Variants in NRG3 observed in about 807,000 individuals in gnomAD.
NRG3 encodes the protein neuregulin 3, also known as pro-neuregulin-3, membrane-bound isoform.
A neutral mutation model predicts 66.9 loss-of-function variants in NRG3; 31 were observed. The ratio of observed to expected loss-of-function variants is 0.46; its 90% CI spans 0.35 to 0.63. The LOEUF (loss-of-function observed/expected upper bound fraction) is 0.63, where lower values mean the gene tolerates loss of function less well. Among genes scored for constraint, NRG3 ranks in the 20% least tolerant of loss-of-function variants. The pLI is 0.00. For synonymous variants in NRG3, 393 were observed against 359.4 expected (o/e 1.09, Z -1.06); for missense variants, 910 against 878.9 (o/e 1.04, Z -0.45).
chr10:82,257,079 T>C (rs1589492218), intron 1 of NRG3, among the ~76,000 whole-genome samples: 1 of 152,324 alleles, frequency 6.6e-6, no homozygotes, highest in East Asian at 1.9e-4. Context: ...GTGGACCTGA[T>C]TGCAAGATAG....
At chr10:82,102,149 T>TGTGTGTATTC (rs1364136930) in intron 1 of NRG3, among the ~76,000 whole-genome samples, 10 of 90,536 alleles carry the variant, frequency 1.1e-4, no homozygotes, top group East Asian at 6.1e-4. Flanking sequence ...TATATATATA[T>TGTGTGTATTC]ATATATATAT....
rs528217533 is a variant in NRG3, at chr10:82,284,127, C to T, written c.824-74612C>T. On this transcript the variant is annotated intron_variant, in intron 1 of 8. Transcript: ENST00000372141. ...CCACCTGATGTTAGTGACAAATGTA[C>T]CCACTTCAGAACAGGAGCCAATATC... is the stretch of plus-strand genomic sequence containing the variant. Among the ~76,000 whole-genome samples, 7 of 152,242 alleles carry T rather than the reference C, an allele frequency of 4.6e-5. No homozygotes were observed. In the South Asian group the frequency reaches 1.4e-3, roughly 32 times the overall value.
chr10:82,208,226 G>C (rs2075222911), intron 1 of NRG3, among the ~76,000 whole-genome samples: 1 of 152,106 alleles, frequency 6.6e-6, no homozygotes, highest in South Asian at 2.1e-4. Context: ...AGCCTTTCTG[G>C]ACTCAGTTTT....
chr10:82,630,115 A>G (rs1159605584), intron 2 of NRG3, among the ~76,000 whole-genome samples: 2 of 152,188 alleles, frequency 1.3e-5, no homozygotes, highest in Non-Finnish European at 2.9e-5. Flanking sequence ...GGTGGCAACC[A>G]TGCTGCCTAA....
At chr10:82,613,579 T>C (rs1026114913) in intron 2 of NRG3, among the ~76,000 whole-genome samples, 2 of 151,908 alleles carry the variant, frequency 1.3e-5, no homozygotes, top group Admixed American at 6.6e-5. Context: ...AAAGATGTTA[T>C]TATTTTAACA....
At chr10:82,904,854 A>T (rs1448224431) in intron 4 of NRG3, among the ~76,000 whole-genome samples, 1 of 152,152 alleles carries the variant, frequency 6.6e-6, no homozygotes, top group African/African-American at 2.4e-5. Context: ...TTTCTGATAC[A>T]TACTTCCAGT....
intron 3 of NRG3, among the ~76,000 whole-genome samples, chr10:82,829,342 A>G (rs892237036): frequency 2.6e-5 from 4 of 152,180 alleles, no homozygotes; most frequent in Non-Finnish European, 4.4e-5. Flanking sequence ...ACTCCTTTGA[A>G]TCACCACTTT....
chr10:82,299,480 C>T (rs2080264197), intron 1 of NRG3, among the ~76,000 whole-genome samples: 1 of 151,866 alleles, frequency 6.6e-6, no homozygotes, highest in South Asian at 2.1e-4. Flanking sequence ...GCACAAAATC[C>T]ACGAGCCATA....
intron 1 of NRG3, among the ~76,000 whole-genome samples, chr10:82,055,370 G>A (rs1053621099): frequency 6.6e-6 from 1 of 150,920 alleles, no homozygotes. Flanking sequence ...TCAGCTACTC[G>A]GGAGGCTGAG....
intron 2 of NRG3, among the ~76,000 whole-genome samples, chr10:82,499,299 T>C (rs1843929194): frequency 6.6e-6 from 1 of 152,104 alleles, no homozygotes; most frequent in South Asian, 2.1e-4. Flanking sequence ...AAAGGGGAAA[T>C]TGAGATAACT....
At chr10:81,889,854 G>A (rs181737754) in intron 1 of NRG3, among the ~76,000 whole-genome samples, 1 of 152,198 alleles carries the variant, frequency 6.6e-6, no homozygotes, top group Non-Finnish European at 1.5e-5. Flanking sequence ...TGTAGATCAG[G>A]GTTTTAACAA....
At chr10:82,352,017 G>A (rs1008789959) in intron 1 of NRG3, among the ~76,000 whole-genome samples, 1 of 152,172 alleles carries the variant, frequency 6.6e-6, no homozygotes, top group African/African-American at 2.4e-5. Flanking sequence ...CTCCCAGGGA[G>A]GCTGTTTTGT....
intron 1 of NRG3, among the ~76,000 whole-genome samples, chr10:82,099,870 G>A (rs1479344551): frequency 6.6e-6 from 1 of 151,500 alleles, no homozygotes; most frequent in Non-Finnish European, 1.5e-5. Flanking sequence ...TATACTCCTA[G>A]ATGCTTGGAA....
At chr10:82,548,866 C>T (rs114052638) in intron 2 of NRG3, among the ~76,000 whole-genome samples, 2,669 of 152,244 alleles carry the variant, frequency 0.018, 30 homozygotes, top group Middle Eastern at 0.068. Flanking sequence ...AGGCAGAAGG[C>T]GTGTGGTCAG....
intron 1 of NRG3, among the ~76,000 whole-genome samples, chr10:82,033,711 T>C (rs2062671491): frequency 6.6e-6 from 1 of 152,138 alleles, no homozygotes; most frequent in Non-Finnish European, 1.5e-5. Context: ...ACATTTGTCA[T>C]GCAGGATGCA....
At chr10:82,869,412 G>T (rs1206766614) in intron 4 of NRG3, among the ~76,000 whole-genome samples, 1 of 151,948 alleles carries the variant, frequency 6.6e-6, no homozygotes, top group East Asian at 1.9e-4. Flanking sequence ...TTACATTATG[G>T]TTCATTCTTG....
Position 82,155,565 on chromosome 10 carries a change from TAATAAAAA to T in NRG3, c.824-203173_824-203166del, listed in dbSNP as rs148399352. ...AAAAATGCTAATTACAAACATATCG[TAATAAAAA>T]GGGTATGGCTTAATGCCAACATGTA... is the stretch of plus-strand genomic sequence containing the variant. On this transcript the variant is annotated intron_variant, in intron 1 of 8. Coordinates refer to ENST00000372141, the MANE Select transcript of NRG3 (RefSeq NM_001010848.4). 8.4e-3 allele frequency among the ~76,000 whole-genome samples: 1,271 copies of T among 151,834 alleles called. 13 individuals are homozygous for T. The highest frequency in any genetic ancestry group is 0.058 in the Middle Eastern group (17 of 294).
intron 3 of NRG3, among the ~76,000 whole-genome samples, chr10:82,839,763 G>A (rs113804851): frequency 2.5e-3 from 374 of 151,824 alleles, no homozygotes; most frequent in African/African-American, 8.4e-3. Flanking sequence ...ATATGGAAAC[G>A]TATACTTATA....
intron 2 of NRG3, among the ~76,000 whole-genome samples, chr10:82,487,460 C>T (rs909716296): frequency 6.6e-6 from 1 of 152,076 alleles, no homozygotes; most frequent in Non-Finnish European, 1.5e-5. Flanking sequence ...GAGGGACCAG[C>T]TTTGTAACCC....
Sources: gnomAD v4.1 joint callset for allele counts (sites outside exome capture counted in the v4.1 genomes callset) on GRCh38, gnomAD v4.1.1 for gene constraint, MANE v1.5 for transcripts, NCBI Gene and HGNC (gene_info 2026-07-23, HGNC 2026-07-21) for gene names.